MYH11: variants seen among roughly 807,000 people sequenced by gnomAD.
The protein encoded by MYH11 is myosin-11.
Under a neutral mutation model 246.6 loss-of-function variants are expected in MYH11, and 80 were observed. The ratio of observed to expected loss-of-function variants is 0.32; its 90% CI spans 0.27 to 0.39. MYH11 has a LOEUF of 0.39. Ranked by LOEUF, MYH11 falls within the 10% of genes least tolerant of loss-of-function variation. The pLI, the probability that MYH11 is intolerant of heterozygous loss-of-function variation, is 1.00. For missense variants in MYH11, 2,158 were observed against 2,546.8 expected, an observed-to-expected ratio of 0.85 and a Z score of 3.29; for synonymous variants, 1,071 against 1,015.5, an observed-to-expected ratio of 1.05 and a Z score of -1.04.
chr16:15,708,895 C>G, intron 40 of MYH11: 6 of 1,518,600 alleles, frequency 4.0e-6, no homozygotes, highest in Non-Finnish European at 5.4e-6. Context: ...AGAAGGAGCC[C>G]GGTTAAGTAT....
intron 14 of MYH11, among the ~76,000 whole-genome samples, chr16:15,754,995 G>A (rs770644491): frequency 5.9e-5 from 9 of 152,136 alleles, no homozygotes; most frequent in African/African-American, 1.2e-4. Flanking sequence ...AGTCTTTGTC[G>A]CAGCTACTCA....
rs556212853 is a variant in MYH11, at chr16:15,715,427, G to A, written c.5505-155C>T. Among the ~76,000 whole-genome samples, 7 of 152,300 alleles carry A rather than the reference G, an allele frequency of 4.6e-5. No individual in the cohort carries two copies. The South Asian group carries it at 1.5e-3, about 32-fold the overall frequency. On this transcript the variant is annotated intron_variant, in intron 38 of 40. Coordinates refer to ENST00000300036, the MANE Select transcript of MYH11 (RefSeq NM_002474.3). The stretch of plus-strand genomic sequence containing the variant: ...AGATGGTGGAATAGTATTCAGCCAT[G>A]AAAAGGAATAAAGTATCAATGCATG...
intron 2 of MYH11, among the ~76,000 whole-genome samples, chr16:15,833,573 C>G (rs1370548020): frequency 6.6e-6 from 1 of 152,110 alleles, no homozygotes; most frequent in African/African-American, 2.4e-5. Flanking sequence ...ATTGCTGAGC[C>G]CAGAACCTGC....
At position 15,823,561 on chromosome 16, in the gene MYH11, G is replaced by A. The variant is rs1596904791; in HGVS notation, c.346-150C>T. Reference sequence around the variant, plus strand: ...GGCCTCACTGATATTCCAGGTACGTGGGAAGAGGAGAAAGGGCGAGAGTGG... The same window carrying A: ...GGCCTCACTGATATTCCAGGTACGTAGGAAGAGGAGAAAGGGCGAGAGTGG... On this transcript the variant is annotated intron_variant, in intron 2 of 40. Transcript: ENST00000300036. The A allele has an allele frequency of 9.9e-6, 10 of 1,006,624 alleles. No homozygotes were observed. In the East Asian group the frequency reaches 2.2e-4, roughly 22 times the overall value. 62.4% of individuals were successfully genotyped at this position (1,006,624 alleles called of 1,614,324 possible). A position where few individuals can be genotyped will look rare whatever the true frequency, so the allele number is the denominator to read the frequency against.
chr16:15,754,000 G>A (rs954128803), intron 14 of MYH11, among the ~76,000 whole-genome samples: 4 of 150,026 alleles, frequency 2.7e-5, no homozygotes, highest in Admixed American at 6.7e-5. Context: ...GAGGTCAGGC[G>A]TTCAAGACCA....
intron 23 of MYH11, among the ~76,000 whole-genome samples, chr16:15,739,776 C>G (rs990177830): frequency 1.3e-5 from 2 of 151,410 alleles, no homozygotes; most frequent in African/African-American, 2.4e-5. Flanking sequence ...CAGAGTCACT[C>G]TGTCACCCAG....
chr16:15,718,736 C>T, intron 36 of MYH11: 2 of 507,114 alleles, frequency 3.9e-6, no homozygotes, highest in Non-Finnish European at 7.1e-6. Flanking sequence ...ATGAAAGCAG[C>T]CACACCCCCA....
At chr16:15,736,152 G>T (rs897992514) in intron 25 of MYH11, among the ~76,000 whole-genome samples, 79 of 152,312 alleles carry the variant, frequency 5.2e-4, no homozygotes, top group African/African-American at 1.9e-3. Flanking sequence ...CTTGTGAAAG[G>T]GCAGCAACAA....
intron 40 of MYH11, among the ~76,000 whole-genome samples, chr16:15,709,989 C>A (rs567007666): frequency 2.0e-5 from 3 of 152,162 alleles, no homozygotes; most frequent in Non-Finnish European, 4.4e-5. Context: ...CACTACAGTT[C>A]CTTCTTGGCT....
intron 9 of MYH11, among the ~76,000 whole-genome samples, chr16:15,766,284 TC>T (rs1304202105): frequency 1.3e-5 from 2 of 152,088 alleles, no homozygotes; most frequent in African/African-American, 2.4e-5. Context: ...TGCTGGAACT[TC>T]TGATTTTTCT....
intron 16 of MYH11, among the ~76,000 whole-genome samples, chr16:15,748,923 C>G (rs956949753): frequency 9.2e-5 from 14 of 152,152 alleles, no homozygotes; most frequent in African/African-American, 3.4e-4. Context: ...GCCCAGCCCC[C>G]TCATTCACTT....
chr16:15,852,436 G>C (rs1444439573), intron 1 of MYH11, among the ~76,000 whole-genome samples: 1 of 150,138 alleles, frequency 6.7e-6, no homozygotes, highest in Non-Finnish European at 1.5e-5. Context: ...AGGCTCAAGC[G>C]ATTCTCGTGC....
At chr16:15,714,782 G>A in intron 40 of MYH11, 127 bp downstream of exon 40, 2 of 1,209,624 alleles carry the variant, frequency 1.7e-6, no homozygotes, top group Non-Finnish European at 1.2e-6. Context: ...GGAGAAGCAG[G>A]AATAAACCAC....
chr16:15,809,367 A>T (rs1352043439), intron 3 of MYH11, among the ~76,000 whole-genome samples: 4 of 151,892 alleles, frequency 2.6e-5, no homozygotes, highest in Non-Finnish European at 5.9e-5. Flanking sequence ...CCTCATCTCT[A>T]CAAAAAATCA....
rs1555569336 is a variant in MYH11 at position 15,788,077 on chromosome 16, C to CTTTTTTTT, written c.531-1353_531-1346dup. ...GTCCTCCTGGAATATGAAGGTAGAT[C>CTTTTTTTT]TTTTTTTTTTTTTTTTTTACCAAGA... On this transcript the variant is annotated intron_variant, in intron 4 of 40. Transcript: ENST00000300036. 8.9e-3 allele frequency among the ~76,000 whole-genome samples: 495 copies of CTTTTTTTT among 55,342 alleles called. 65 individuals carry two copies. The highest frequency in any genetic ancestry group is 0.016 in the Non-Finnish European group (434 of 27,338). 36.3% of individuals were successfully genotyped at this position (55,342 alleles called of 152,430 possible).
chr16:15,838,147 C>T lies in MYH11; in HGVS notation c.106G>A (p.Val36Ile), dbSNP rs959014769. Residue 36 changes from valine to isoleucine, a missense_variant, in exon 2 of 41, where the codon GTC becomes ATC. Physicochemically the swap from Val to Ile is conservative, Grantham distance 29. Coordinates refer to ENST00000300036, the MANE Select transcript of MYH11 (RefSeq NM_002474.3). The part of the protein sequence containing the change: ...AQADWAAKRL[V>I]WVPSEKQGFE... ...CCCTGCTTCTCCGAGGGGACCCAGACGAGTCTCTTGGCGGCCCAGTCAGCC... is the reference window on the plus strand; with the variant it reads ...CCCTGCTTCTCCGAGGGGACCCAGATGAGTCTCTTGGCGGCCCAGTCAGCC... The T allele has an allele frequency of 1.2e-6, 2 of 1,614,116 alleles. No individual in the cohort carries two copies. The highest frequency in any genetic ancestry group is 1.1e-5 in the South Asian group (1 of 91,070).
chr16:15,762,836 T>C (rs1456107984), intron 10 of MYH11, among the ~76,000 whole-genome samples: 1 of 152,208 alleles, frequency 6.6e-6, no homozygotes, highest in Non-Finnish European at 1.5e-5. Context: ...GTGGGCAAGG[T>C]AAACCCAGTA....
intron 7 of MYH11, among the ~76,000 whole-genome samples, chr16:15,777,878 A>G (rs1043612693): frequency 6.6e-6 from 1 of 152,072 alleles, no homozygotes; most frequent in African/African-American, 2.4e-5. Context: ...AGCTTCAGTG[A>G]TTTTCCCAAA....
At chr16:15,736,445 A>AT (rs1454154517) in intron 25 of MYH11, among the ~76,000 whole-genome samples, 1 of 151,928 alleles carries the variant, frequency 6.6e-6, no homozygotes, top group East Asian at 1.9e-4. Context: ...TGCCTGGCTC[A>AT]TTTTTTAACT....
Sources: gnomAD v4.1 joint callset for allele counts (sites outside exome capture counted in the v4.1 genomes callset) on GRCh38, gnomAD v4.1.1 for gene constraint, MANE v1.5 for transcripts, NCBI Gene and HGNC (gene_info 2026-07-23, HGNC 2026-07-21) for gene names.